The following B3GALNT2 variants were observed in gnomAD, a reference collection of about 807,000 sequenced individuals.
B3GALNT2 encodes beta-1,3-N-acetylgalactosaminyltransferase 2, also known as UDP-GalNAc:beta-1,3-N-acetylgalactosaminyltransferase 2.
In B3GALNT2, 53 loss-of-function variants were observed where a neutral mutation model predicts 61.1. That is an observed-to-expected ratio of 0.87 (90% CI 0.70 to 1.09). The LOEUF (loss-of-function observed/expected upper bound fraction) is 1.09. Among genes scored for constraint, B3GALNT2 ranks in the 50% least tolerant of loss-of-function variants. B3GALNT2 has a pLI of 0.00. For synonymous variants in B3GALNT2, 223 were observed against 237.4 expected (o/e 0.94, Z 0.56); for missense variants, 544 against 623.0 (o/e 0.87, Z 1.35).
intron 11 of B3GALNT2, chr1:235,452,547 CT>C (rs34600118): frequency 0.72 from 103,728 of 143,508 alleles, 38,016 homozygotes; most frequent in African/African-American, 0.91. Flanking sequence ...AAATCCAAAA[CT>C]TTTTTTTTTT....
chr1:235,440,432 G>A, the B3GALNT2 span, among the ~76,000 whole-genome samples: 2 of 151,920 alleles, frequency 1.3e-5, no homozygotes, highest in East Asian at 3.9e-4. Context: ...CGCTCTTGTT[G>A]CCCAGACTGG....
intron 5 of B3GALNT2, among the ~76,000 whole-genome samples, chr1:235,476,272 G>A (rs1299413092): frequency 3.3e-5 from 5 of 152,142 alleles, no homozygotes; most frequent in Non-Finnish European, 5.9e-5. Context: ...TTAGCCAGGC[G>A]TGATGGCACA....
At position 235,448,125 on chromosome 1, in the gene B3GALNT2, G is replaced by A. The variant is rs148331308; in HGVS notation, c.*2081C>T. ...TGAGGCAGGAGAATTGTTTGAACCC[G>A]GGAAGCGGAGGTTGCAGTGAGCCGA... On this transcript the variant is annotated 3_prime_UTR_variant, in exon 12 of 12. Transcript: ENST00000366600. Among the ~76,000 whole-genome samples the A allele has an allele frequency of 0.013, 1,895 of 151,074 alleles. 18 individuals are homozygous for A. The highest frequency in any genetic ancestry group is 0.018 in the African/African-American group (717 of 40,966).
intron 7 of B3GALNT2, chr1:235,464,585 C>T (rs1042232808): frequency 1.3e-5 from 2 of 151,850 alleles, no homozygotes; most frequent in Non-Finnish European, 2.9e-5. Flanking sequence ...AAAACCCTGT[C>T]TCTACAAAAC....
downstream of B3GALNT2, among the ~76,000 whole-genome samples, chr1:235,445,121 CTACTT>C (rs1336058308): frequency 6.6e-6 from 1 of 152,232 alleles, no homozygotes; most frequent in Non-Finnish European, 1.5e-5. Context: ...GTAAGAATTA[CTACTT>C]TAAACTATTC....
Position 235,503,998 on chromosome 1 carries a change from G to T in B3GALNT2, c.112+143C>A. On this transcript the variant is annotated intron_variant, in intron 1 of 11. Transcript: ENST00000366600. The stretch of plus-strand genomic sequence containing the variant: ...TGCCCGATGTTAACGCTCCAAGGAT[G>T]AAAAGAGCCGTTTGTTTCGTCTGGG... 5.3e-6 allele frequency: 5 copies of T among 945,038 alleles called. No homozygotes were observed. In the African/African-American group the frequency reaches 6.9e-5, roughly 13 times the overall value. The allele number at this position is 945,038 out of a possible 1,614,324, so 58.5% of individuals were successfully genotyped here. A position where few individuals can be genotyped will look rare whatever the true frequency, so the allele number is the denominator to read the frequency against.
At chr1:235,453,499 A>G (rs1289273341) in intron 10 of B3GALNT2, among the ~76,000 whole-genome samples, 1 of 151,476 alleles carries the variant, frequency 6.6e-6, no homozygotes, top group Non-Finnish European at 1.5e-5. Context: ...TCTGTCGCCC[A>G]GGCTGGCATG....
intron 5 of B3GALNT2, among the ~76,000 whole-genome samples, chr1:235,475,289 G>A (rs1043677502): frequency 1.3e-5 from 2 of 151,332 alleles, no homozygotes; most frequent in African/African-American, 4.9e-5. Flanking sequence ...GAGCCACCAC[G>A]CCCAGCCAAA....
intron 1 of B3GALNT2, 41 bp downstream of exon 1, chr1:235,504,100 C>G (rs936364711): frequency 1.3e-5 from 15 of 1,145,658 alleles, no homozygotes; most frequent in Non-Finnish European, 1.6e-5. Context: ...GGCCTCCCAC[C>G]CCCCCGGCGG....
Position 235,447,660 on chromosome 1 carries a change from C to G in B3GALNT2, c.*2546G>C, listed in dbSNP as rs1682480439. On this transcript the variant is annotated 3_prime_UTR_variant, in exon 12 of 12. Coordinates refer to ENST00000366600, the MANE Select transcript of B3GALNT2 (RefSeq NM_152490.5). ...CCTGAGTCCCATTCCAGTGTTCGTT[C>G]AGTAATTCATAAGGAAGTCATCATA... Among the ~76,000 whole-genome samples the G allele has an allele frequency of 6.6e-6, 1 of 152,078 alleles. No homozygotes were observed. The highest frequency in any genetic ancestry group is 2.4e-5 in the African/African-American group (1 of 41,376).
At chr1:235,463,566 CTTTTTTTTTTTTT>C (rs34433888) in intron 7 of B3GALNT2, 2 of 106,542 alleles carry the variant, frequency 1.9e-5, no homozygotes, top group Admixed American at 9.9e-5. Flanking sequence ...TTCCTAATTT[CTTTTTTTTTTTTT>C]TTTTTTTTTG....
chr1:235,461,455 G>T (rs1183883170), intron 7 of B3GALNT2, among the ~76,000 whole-genome samples: 1 of 150,072 alleles, frequency 6.7e-6, no homozygotes, highest in Non-Finnish European at 1.5e-5. Flanking sequence ...CCTGATGCAG[G>T]TAGGCAGAAC....
downstream of B3GALNT2, among the ~76,000 whole-genome samples, chr1:235,443,537 C>G (rs772828583): frequency 6.6e-6 from 1 of 152,116 alleles, no homozygotes; most frequent in Non-Finnish European, 1.5e-5. Flanking sequence ...AACCTGAGAC[C>G]TTGAATGGCA....
At chr1:235,484,016 A>C (rs189837536) in intron 4 of B3GALNT2, among the ~76,000 whole-genome samples, 1 of 152,198 alleles carries the variant, frequency 6.6e-6, no homozygotes. Context: ...TAAGAATCCT[A>C]AACTTTTTTT....
chr1:235,485,934 T>C (rs1684785444), intron 3 of B3GALNT2, among the ~76,000 whole-genome samples: 1 of 151,944 alleles, frequency 6.6e-6, no homozygotes, highest in Non-Finnish European at 1.5e-5. Flanking sequence ...GTCTCTACGA[T>C]ACAAAAATTA....
rs72759748 is a variant in B3GALNT2 at position 235,492,046 on chromosome 1, T to C, written c.260+2635A>G. Among the ~76,000 whole-genome samples, 918 of 152,326 alleles carry C rather than the reference T, an allele frequency of 6.0e-3. 3 individuals are homozygous for C. Among genetic ancestry groups the C allele is most frequent in the Non-Finnish European group, 0.01 (704 of 68,028 alleles). The stretch of plus-strand genomic sequence containing the variant: ...CTTCTACTAAATGTCAAGCCCCTCC[T>C]AACACTCTATTTATCTCTGTATTCT... On this transcript the variant is annotated intron_variant, in intron 2 of 11. Coordinates refer to ENST00000366600, the MANE Select transcript of B3GALNT2 (RefSeq NM_152490.5).
intron 1 of B3GALNT2, among the ~76,000 whole-genome samples, chr1:235,497,787 T>C (rs1190961109): frequency 6.6e-6 from 1 of 152,220 alleles, no homozygotes; most frequent in Non-Finnish European, 1.5e-5. Flanking sequence ...TAACTGGTTT[T>C]TACCTGACTT....
intron 7 of B3GALNT2, 81 bp downstream of exon 7, chr1:235,465,554 AG>A (rs1422305984): frequency 6.5e-7 from 1 of 1,549,256 alleles, no homozygotes; most frequent in East Asian, 2.3e-5. Flanking sequence ...AAGACAAAAA[AG>A]AAAAAATCCT....
chr1:235,489,782 C>T (rs1366379923), intron 2 of B3GALNT2, among the ~76,000 whole-genome samples: 23 of 152,142 alleles, frequency 1.5e-4, no homozygotes, highest in Non-Finnish European at 1.5e-5. Flanking sequence ...TAATTATTCT[C>T]TTCACCTTCC....
Sources: gnomAD v4.1 joint callset for allele counts (sites outside exome capture counted in the v4.1 genomes callset) on GRCh38, gnomAD v4.1.1 for gene constraint, MANE v1.5 for transcripts, NCBI Gene and HGNC (gene_info 2026-07-23, HGNC 2026-07-21) for gene names.